TAF3: variants seen among roughly 807,000 people sequenced by gnomAD.
TAF3 encodes the protein transcription initiation factor TFIID subunit 3.
Under a neutral mutation model 80.6 loss-of-function variants are expected in TAF3, and 7 were observed. The observed-to-expected ratio is 0.09, with a 90% CI of 0.05 to 0.16. TAF3 has a LOEUF of 0.16. TAF3 is among the 10% of genes least tolerant of loss of function. TAF3 has a pLI of 1.00. For missense variants in TAF3, 921 were observed against 1,140.2 expected, an observed-to-expected ratio of 0.81 and a Z score of 2.77; for synonymous variants, 444 against 446.1, an observed-to-expected ratio of 1.00 and a Z score of 0.06.
At position 7,965,633 on chromosome 10, in the gene TAF3, A is replaced by T; in HGVS notation, c.2123A>T (p.Lys708Met). 1 of 1,603,244 alleles carries T rather than the reference A, an allele frequency of 6.2e-7. No individual in the cohort carries two copies. Among genetic ancestry groups the T allele is most frequent in the Non-Finnish European group, 8.5e-7 (1 of 1,176,796 alleles). ...EKEKKKDKKE[K>M]KKKKEKEKEK... is the part of the protein sequence containing the mutation. Reference sequence around the variant, plus strand: ...GAAAAGAAAAAGGACAAAAAGGAGAAGAAGAAAAAGAAGGAAAAAGAGAAG... The same window carrying T: ...GAAAAGAAAAAGGACAAAAAGGAGATGAAGAAAAAGAAGGAAAAAGAGAAG... The change falls in exon 3 of 7, where the codon AAG (lysine) becomes ATG (methionine). Residue 708 changes from lysine to methionine, a missense_variant. Around this residue, in one of 6 missense-constraint regions of TAF3, gnomAD observed 743 missense variants for 821.0 expected, o/e 0.90. Transcript: ENST00000344293.
Position 8,016,014 on chromosome 10 carries a change from A to T in TAF3, c.*1263A>T, listed in dbSNP as rs1832100873. On this transcript the variant is annotated 3_prime_UTR_variant, in exon 7 of 7. Transcript: ENST00000344293. The stretch of plus-strand genomic sequence containing the variant: ...AACTCATCAAATTTCAGGGTATCAC[A>T]AAACTTTATTATATTATTATACTGC... 1 of 152,190 alleles carries T rather than the reference A, an allele frequency of 6.6e-6. No individual in the cohort carries two copies. The allele number at this position is 152,190 out of a possible 1,614,324, so 9.4% of individuals were successfully genotyped here. A position where few individuals can be genotyped will look rare whatever the true frequency, so the allele number is the denominator to read the frequency against.
intron 4 of TAF3, among the ~76,000 whole-genome samples, chr10:7,998,267 A>ATATATATATATATATG (rs1831909760): frequency 2.2e-5 from 1 of 45,924 alleles, no homozygotes; most frequent in Non-Finnish European, 5.7e-5. Flanking sequence ...ATATATATGT[A>ATATATATATATATATG]TATATATATA....
At chr10:7,874,270 G>C (rs559523130) in intron 2 of TAF3, among the ~76,000 whole-genome samples, 2 of 152,300 alleles carry the variant, frequency 1.3e-5, no homozygotes, top group East Asian at 1.9e-4. Flanking sequence ...ATTTAAACTT[G>C]TACTGATGAA....
intron 2 of TAF3, among the ~76,000 whole-genome samples, chr10:7,932,502 A>G (rs1837877133): frequency 6.6e-6 from 1 of 152,132 alleles, no homozygotes; most frequent in South Asian, 2.1e-4. Context: ...GAGATTGATT[A>G]TGAGTCTGGG....
Position 7,895,033 on chromosome 10 carries a change from TC to T in TAF3, c.410-68885del, listed in dbSNP as rs550919713. The stretch of plus-strand genomic sequence containing the variant: ...TGGGATTACAAGTGCCCACCACCAT[TC>T]CTGGCTAATTTTTGTATTTTTAGTA... On this transcript the variant is annotated intron_variant, in intron 2 of 6. Coordinates refer to ENST00000344293, the MANE Select transcript of TAF3 (RefSeq NM_031923.4). 2.2e-3 allele frequency among the ~76,000 whole-genome samples: 337 copies of T among 152,214 alleles called. 2 individuals carry two copies. The highest frequency in any genetic ancestry group is 7.7e-3 in the African/African-American group (319 of 41,536).
chr10:7,892,628 A>G (rs915266596), intron 2 of TAF3, among the ~76,000 whole-genome samples: 11 of 152,234 alleles, frequency 7.2e-5, no homozygotes, highest in South Asian at 2.1e-4. Flanking sequence ...TATTATCTCT[A>G]TCAGTTCTGC....
At chr10:7,997,489 C>T (rs2131432363) in intron 4 of TAF3, among the ~76,000 whole-genome samples, 1 of 152,356 alleles carries the variant, frequency 6.6e-6, no homozygotes, top group Non-Finnish European at 1.5e-5. Flanking sequence ...ACTTGACAAG[C>T]TGTGAGTTTG....
intron 2 of TAF3, among the ~76,000 whole-genome samples, chr10:7,843,347 G>A (rs767416385): frequency 3.0e-4 from 45 of 151,600 alleles, no homozygotes; most frequent in Middle Eastern, 6.8e-3. Flanking sequence ...GGGCTCAAGC[G>A]ATCCTCCCCA....
intron 2 of TAF3, among the ~76,000 whole-genome samples, chr10:7,950,927 T>C (rs11255457): frequency 0.36 from 54,236 of 152,142 alleles, 10,816 homozygotes; most frequent in Admixed American, 0.48. Context: ...ATGTGCCTCA[T>C]AGAGAAAATG....
chr10:7,932,399 G>A (rs556753507), intron 2 of TAF3, among the ~76,000 whole-genome samples: 27 of 152,114 alleles, frequency 1.8e-4, no homozygotes, highest in Non-Finnish European at 2.5e-4. Flanking sequence ...CACACATGCC[G>A]GAAGTACTGA....
At chr10:7,945,626 G>A (rs1169922643) in intron 2 of TAF3, among the ~76,000 whole-genome samples, 2 of 147,898 alleles carry the variant, frequency 1.4e-5, no homozygotes, top group South Asian at 2.3e-4. Flanking sequence ...CTACCCACCC[G>A]GCTACATCCT....
rs551770793 is a variant in TAF3 at position 7,920,292 on chromosome 10, A to C, written c.410-43628A>C. Among the ~76,000 whole-genome samples, 7 of 147,936 alleles carry C rather than the reference A, an allele frequency of 4.7e-5. No homozygotes were observed. In the East Asian group the frequency reaches 1.4e-3, roughly 29 times the overall value. On this transcript the variant is annotated intron_variant, in intron 2 of 6. Transcript: ENST00000344293. ...TTTAATTTTAAAAATTAAAAAATTT[A>C]AACATACGTGTGTGTGTGTGTGTGT...
At chr10:8,013,046 G>A (rs979418706) in intron 5 of TAF3, among the ~76,000 whole-genome samples, 8 of 152,174 alleles carry the variant, frequency 5.3e-5, no homozygotes, top group African/African-American at 1.9e-4. Flanking sequence ...GTTAAATAAA[G>A]TCAACTCTAG....
At chr10:7,861,381 C>T (rs557249242) in intron 2 of TAF3, among the ~76,000 whole-genome samples, 2 of 152,202 alleles carry the variant, frequency 1.3e-5, no homozygotes, top group African/African-American at 4.8e-5. Flanking sequence ...GCTGGGATTA[C>T]AAGCATGAGC....
intron 1 of TAF3, among the ~76,000 whole-genome samples, chr10:7,821,428 A>C (rs1836689504): frequency 6.6e-6 from 1 of 152,214 alleles, no homozygotes; most frequent in African/African-American, 2.4e-5. Flanking sequence ...CATTGGAGAC[A>C]TAAAATTACT....
chr10:7,879,436 A>C (rs1182487320), intron 2 of TAF3, among the ~76,000 whole-genome samples: 1 of 152,244 alleles, frequency 6.6e-6, no homozygotes, highest in Non-Finnish European at 1.5e-5. Context: ...TATACATGAA[A>C]TGAAATAATG....
At chr10:7,819,803 T>C (rs2131094178) in intron 1 of TAF3, among the ~76,000 whole-genome samples, 1 of 152,274 alleles carries the variant, frequency 6.6e-6, no homozygotes, top group Middle Eastern at 3.4e-3. Context: ...ATATTTTGTT[T>C]TGTTAAAGTG....
At chr10:7,914,591 T>G (rs1837690691) in intron 2 of TAF3, among the ~76,000 whole-genome samples, 1 of 152,244 alleles carries the variant, frequency 6.6e-6, no homozygotes, top group South Asian at 2.1e-4. Flanking sequence ...TGAGAAGAAA[T>G]TTTATTTCAT....
rs779823339 is a variant in TAF3, at chr10:8,009,820, C to T, written c.2568+490C>T. Among the ~76,000 whole-genome samples the T allele has an allele frequency of 6.6e-6, 1 of 151,898 alleles. No individual in the cohort carries two copies. The highest frequency in any genetic ancestry group is 1.5e-5 in the Non-Finnish European group (1 of 67,972). On this transcript the variant is annotated intron_variant, in intron 5 of 6. Coordinates refer to ENST00000344293, the MANE Select transcript of TAF3 (RefSeq NM_031923.4). This position sits in a 1 kb window ranked among gnomAD's most constrained non-coding sequence, Gnocchi z 4.1. Reference sequence around the variant, plus strand: ...GTATTTTTAGTAGAAACGGTTTCACCGTGTTAGCCAGGCTGGTCTCAAACT... The same window carrying T: ...GTATTTTTAGTAGAAACGGTTTCACTGTGTTAGCCAGGCTGGTCTCAAACT...
Sources: gnomAD v4.1 joint callset for allele counts (sites outside exome capture counted in the v4.1 genomes callset) on GRCh38, gnomAD v4.1.1 for gene constraint, gnomAD v4.1.1 regional missense constraint, Gnocchi (gnomAD v3.1) non-coding constraint, MANE v1.5 for transcripts, NCBI Gene and HGNC (gene_info 2026-07-23, HGNC 2026-07-21) for gene names.